The following MYRF variants were observed in gnomAD, a reference collection of about 807,000 sequenced individuals.
The protein encoded by MYRF is myelin regulatory factor, also known as myelin gene regulatory factor.
A neutral mutation model predicts 126.3 loss-of-function variants in MYRF; 16 were observed. The ratio of observed to expected loss-of-function variants is 0.13; its 90% confidence interval spans 0.09 to 0.19. The LOEUF is 0.19. MYRF is among the 10% of genes least tolerant of loss of function. The pLI, the probability that MYRF is intolerant of heterozygous loss-of-function variation, is 1.00. For missense variants in MYRF, 1,104 were observed against 1,547.0 expected (o/e 0.71, Z 4.80); for synonymous variants, 608 against 635.3 (o/e 0.96, Z 0.65).
intron 1 of MYRF, chr11:61,755,710 A>G: frequency 1.5e-6 from 1 of 680,652 alleles, no homozygotes; most frequent in Non-Finnish European, 2.7e-6. Context: ...GGAAGGAGAG[A>G]CATGTTAGAG....
chr11:61,780,993 A>G lies in MYRF; in HGVS notation c.2520A>G (p.Arg840=). 3 of 1,610,226 alleles carry G rather than the reference A, an allele frequency of 1.9e-6. No homozygotes were observed. The highest frequency in any genetic ancestry group is 4.5e-5 in the East Asian group (2 of 44,866). The change falls in exon 20 of 27, where the codon CGA becomes CGG. Residue 840 remains arginine (R), a synonymous_variant. Transcript: ENST00000278836. ...SSQSFGTTQL[R]QSPLTTGLPG... is the part of the protein sequence containing the mutation. ...AGAGCTTTGGGACCACGCAGCTCCG[A>G]CAGTCCCCCTTGACCACGGGGCTAC...
chr11:61,779,538 C>A lies in MYRF; in HGVS notation c.2215C>A (p.His739Asn). The change falls in exon 16 of 27, where the codon CAC becomes AAC. Residue 739 changes from histidine (H) to asparagine (N), a missense_variant. Coordinates refer to ENST00000278836, the MANE Select transcript of MYRF (RefSeq NM_001127392.3). ...SQFSRAGSVPHKKRPPKVASK... is the reference protein window; with the variant it reads ...SQFSRAGSVPNKKRPPKVASK... ...GTTCAGTCGGGCGGGCAGCGTCCCC[C>A]ACAAGAAGAGGCCCCCCAAGGTGGC... 1 of 1,507,572 alleles carries A rather than the reference C, an allele frequency of 6.6e-7. No homozygotes were observed. Among genetic ancestry groups the A allele is most frequent in the South Asian group, 1.4e-5 (1 of 73,458 alleles). The allele number at this position is 1,507,572 out of a possible 1,614,324, so 93.4% of individuals were successfully genotyped here. A position where few individuals can be genotyped will look rare whatever the true frequency, so the allele number is the denominator to read the frequency against.
rs780950106 is a variant in MYRF at position 61,784,298 on chromosome 11, T to C, written c.3213T>C (p.Ser1071=). The change falls in exon 25 of 27, where the codon TCT becomes TCC. Residue 1071 remains serine, a synonymous_variant. Coordinates refer to ENST00000278836, the MANE Select transcript of MYRF (RefSeq NM_001127392.3). ...TLQMNSSSPV[S]VVLCSLRSKE... is the part of the protein sequence containing the mutation. ...TCTACAGCTCCTCCTCCCCCGTGTC[T>C]GTGGTGCTGTGCAGCCTGAGGTCAA... The C allele has an allele frequency of 1.2e-6, 2 of 1,614,002 alleles. No individual in the cohort carries two copies. Among genetic ancestry groups the C allele is most frequent in the East Asian group, 2.2e-5 (1 of 44,864 alleles).
At chr11:61,761,727 C>T (rs2065905942) in intron 1 of MYRF, among the ~76,000 whole-genome samples, 1 of 152,268 alleles carries the variant, frequency 6.6e-6, no homozygotes, top group Non-Finnish European at 1.5e-5. Flanking sequence ...GGGCAGCGCT[C>T]ATAGCCCAGT....
intron 14 of MYRF, 30 bp from the exon 15 acceptor site, chr11:61,779,233 C>T: frequency 6.5e-7 from 1 of 1,528,258 alleles, no homozygotes. Context: ...CTGTGTTGGC[C>T]CATGGCCCAT....
rs770165374 is a variant in MYRF at position 61,781,342 on chromosome 11, G to A, written c.2764+13G>A. On this transcript the variant is annotated intron_variant, in intron 21 of 26. Coordinates refer to ENST00000278836, the MANE Select transcript of MYRF (RefSeq NM_001127392.3). ...ACCAACCGCTCAGGTAAGGCTTTCTGTGGGCTGGGGCTTGGGGCGGGGGCT... is the reference window on the plus strand; with the variant it reads ...ACCAACCGCTCAGGTAAGGCTTTCTATGGGCTGGGGCTTGGGGCGGGGGCT... 5 of 1,612,140 alleles carry A rather than the reference G, an allele frequency of 3.1e-6. No individual in the cohort carries two copies. Among genetic ancestry groups the A allele is most frequent in the African/African-American group, 1.3e-5 (1 of 74,886 alleles).
In MYRF at chr11:61,777,656, C is replaced by G; in HGVS notation, c.1792-78C>G. On this transcript the variant is annotated intron_variant, in intron 12 of 26. Coordinates refer to ENST00000278836, the MANE Select transcript of MYRF (RefSeq NM_001127392.3). The surrounding 1 kb of genome is among the most constrained non-coding windows in gnomAD (Gnocchi z 8.8). Reference sequence around the variant, plus strand: ...TCCTCTCCACACTGCAGCCTCCAGGCTGCCGCCCTCCTGGGCTCCGGGGCC... The same window carrying G: ...TCCTCTCCACACTGCAGCCTCCAGGGTGCCGCCCTCCTGGGCTCCGGGGCC... The G allele has an allele frequency of 7.0e-7, 1 of 1,430,188 alleles. No individual in the cohort carries two copies. The highest frequency in any genetic ancestry group is 2.5e-5 in the East Asian group (1 of 40,050). 88.6% of individuals were successfully genotyped at this position (1,430,188 alleles called of 1,614,324 possible). A position where few individuals can be genotyped will look rare whatever the true frequency, so the allele number is the denominator to read the frequency against.
chr11:61,783,801 G>T lies in MYRF; in HGVS notation c.3120-50G>T, dbSNP rs763368535. On this transcript the variant is annotated intron_variant, in intron 23 of 26. Transcript: ENST00000278836. The surrounding 1 kb of genome is among the most constrained non-coding windows in gnomAD (Gnocchi z 4.6). ...GGGCTGAGGAGTCCCTGGTGGGGGT[G>T]GGGGGTGGCAGGGTACCCTCAGGCT... The T allele has an allele frequency of 3.3e-5, 51 of 1,527,296 alleles. No homozygotes were observed. Among genetic ancestry groups the T allele is most frequent in the South Asian group, 1.3e-4 (11 of 84,856 alleles). 94.6% of individuals were successfully genotyped at this position (1,527,296 alleles called of 1,614,324 possible). A position where few individuals can be genotyped will look rare whatever the true frequency, so the allele number is the denominator to read the frequency against.
chr11:61,774,534 GAAAAA>G (rs11320420), intron 8 of MYRF, among the ~76,000 whole-genome samples: 4 of 137,362 alleles, frequency 2.9e-5, no homozygotes, highest in Non-Finnish European at 6.3e-5. Context: ...AAAAAAAAAA[GAAAAA>G]AAAAAAAGCA....
At position 61,771,601 on chromosome 11, in the gene MYRF, C is replaced by T. The variant is rs1006237014; in HGVS notation, c.842C>T (p.Thr281Ile). Residue 281 changes from threonine to isoleucine, a missense_variant, in exon 6 of 27, where the codon ACC becomes ATC. Thr to Ile is a moderately conservative substitution (Grantham distance 89). Transcript: ENST00000278836. ...GGAATGATCAAACAGGAGCCTGGGA[C>T]CGTGACAGCCCTGCCTCTGCACCCC... is the stretch of plus-strand genomic sequence containing the variant. ...LNGMIKQEPGTVTALPLHPTR... is the reference protein window; with the variant it reads ...LNGMIKQEPGIVTALPLHPTR... 26 of 1,613,856 alleles carry T rather than the reference C, an allele frequency of 1.6e-5. No homozygotes were observed. The highest frequency in any genetic ancestry group is 1.9e-5 in the Non-Finnish European group (23 of 1,180,012).
At chr11:61,771,409 A>T in intron 5 of MYRF, 91 bp from the exon 6 acceptor site, 1 of 1,514,294 alleles carries the variant, frequency 6.6e-7, no homozygotes, top group South Asian at 1.3e-5. Flanking sequence ...CCTGGCCCAA[A>T]CAGGCTAGAG....
chr11:61,775,581 C>T (rs1487125866), intron 8 of MYRF, among the ~76,000 whole-genome samples: 9 of 151,970 alleles, frequency 5.9e-5, no homozygotes, highest in African/African-American at 4.8e-5. Context: ...TGCCAGTGCA[C>T]GTGGAGGAGT....
chr11:61,762,774 G>A (rs1243123250), intron 1 of MYRF, among the ~76,000 whole-genome samples: 1 of 152,172 alleles, frequency 6.6e-6, no homozygotes, highest in African/African-American at 2.4e-5. Context: ...GCGTTCCTCA[G>A]GAGGCCCTCC....
At position 61,783,793 on chromosome 11, in the gene MYRF, G is replaced by A. The variant is rs1337409247; in HGVS notation, c.3120-58G>A. ...CAGATTGGGGGCTGAGGAGTCCCTG[G>A]TGGGGGTGGGGGGTGGCAGGGTACC... On this transcript the variant is annotated intron_variant, in intron 23 of 26. Coordinates refer to ENST00000278836, the MANE Select transcript of MYRF (RefSeq NM_001127392.3). This position sits in a 1 kb window ranked among gnomAD's most constrained non-coding sequence, Gnocchi z 4.6. 1 of 1,526,156 alleles carries A rather than the reference G, an allele frequency of 6.6e-7. No individual in the cohort carries two copies. The highest frequency in any genetic ancestry group is 8.9e-7 in the Non-Finnish European group (1 of 1,122,784). 94.5% of individuals were successfully genotyped at this position (1,526,156 alleles called of 1,614,324 possible).
Position 61,786,259 on chromosome 11 carries a change from GCCCTA to G in MYRF, c.*120_*124del. 1 of 974,054 alleles carries G rather than the reference GCCCTA, an allele frequency of 1.0e-6. No individual in the cohort carries two copies. The allele number at this position is 974,054 out of a possible 1,614,324, so 60.3% of individuals were successfully genotyped here. On this transcript the variant is annotated 3_prime_UTR_variant, in exon 27 of 27. Coordinates refer to ENST00000278836, the MANE Select transcript of MYRF (RefSeq NM_001127392.3). This position sits in a 1 kb window ranked among gnomAD's most constrained non-coding sequence, Gnocchi z 4.5. ...TGCAGGCCAGCTCTGCTGTTCACTG[GCCCTA>G]CCCGAGACTGGTGAAACTGGAAGTC...
At chr11:61,752,973 C>T (rs932229537) in intron 1 of MYRF, among the ~76,000 whole-genome samples, 183 bp downstream of exon 1, 8 of 152,028 alleles carry the variant, frequency 5.3e-5, no homozygotes, top group Non-Finnish European at 1.0e-4. Flanking sequence ...TACCACCCAC[C>T]GCCGCTGAAG....
At chr11:61,770,832 C>A (rs780413206) in intron 5 of MYRF, among the ~76,000 whole-genome samples, 2 of 152,084 alleles carry the variant, frequency 1.3e-5, no homozygotes, top group African/African-American at 2.4e-5. Context: ...CAGGACTGGG[C>A]CCGGGGCTGT....
At chr11:61,761,263 G>T (rs974857018) in intron 1 of MYRF, among the ~76,000 whole-genome samples, 10 of 151,664 alleles carry the variant, frequency 6.6e-5, no homozygotes, top group African/African-American at 1.5e-4. Flanking sequence ...AGCTGGTGGG[G>T]GGGGGGGCAC....
chr11:61,782,627 G>A (rs573920983), intron 22 of MYRF: 1 of 152,408 alleles, frequency 6.6e-6, no homozygotes, highest in African/African-American at 2.4e-5. Flanking sequence ...GGACATGCAG[G>A]TAGCTTTGGG....
Sources: allele counts gnomAD v4.1 joint callset (sites outside exome capture counted in the v4.1 genomes callset), GRCh38; gene constraint gnomAD v4.1.1; non-coding constraint Gnocchi (gnomAD v3.1); transcripts MANE v1.5; gene names NCBI Gene and HGNC (gene_info 2026-07-23, HGNC 2026-07-21).